The following LDB2 variants were observed in gnomAD, a reference collection of about 807,000 sequenced individuals.
The protein encoded by LDB2 is LIM domain-binding protein 2.
LDB2 carries 12 observed loss-of-function variants against 44.3 expected under a neutral mutation model. The observed-to-expected ratio is 0.27, with a 90% CI of 0.17 to 0.44. The LOEUF (loss-of-function observed/expected upper bound fraction) is 0.44, where lower values mean the gene tolerates loss of function less well. Among genes scored for constraint, LDB2 ranks in the 20% least tolerant of loss-of-function variants. The pLI is 1.00. For missense variants in LDB2, 344 were observed against 473.5 expected, an observed-to-expected ratio of 0.73 and a Z score of 2.54; for synonymous variants, 164 against 174.8, an observed-to-expected ratio of 0.94 and a Z score of 0.49.
chr4:16,602,530 G>A (rs1205960576), intron 2 of LDB2, among the ~76,000 whole-genome samples: 1 of 152,100 alleles, frequency 6.6e-6, no homozygotes, highest in African/African-American at 2.4e-5. Context: ...TCTAAACCAC[G>A]GCAAATGGCT....
intron 1 of LDB2, among the ~76,000 whole-genome samples, chr4:16,851,097 G>C (rs1312078608): frequency 6.6e-6 from 1 of 151,902 alleles, no homozygotes; most frequent in Non-Finnish European, 1.5e-5. Context: ...TGGGGTGCTA[G>C]TGAATAGTAA....
At position 16,739,590 on chromosome 4, in the gene LDB2, AT is replaced by A. The variant is rs1388131677; in HGVS notation, c.235+19567del. ...GACAGAGGGAAAAAAAAAAAAAAAA[AT>A]ATATATATATATATATATGTATATA... On this transcript the variant is annotated intron_variant, in intron 2 of 7. Transcript: ENST00000304523. Among the ~76,000 whole-genome samples the A allele has an allele frequency of 8.5e-4, 49 of 57,782 alleles. 3 individuals carry two copies. The highest frequency in any genetic ancestry group is 2.9e-3 in the African/African-American group (36 of 12,232). 37.9% of individuals were successfully genotyped at this position (57,782 alleles called of 152,430 possible). A position where few individuals can be genotyped will look rare whatever the true frequency, so the allele number is the denominator to read the frequency against.
chr4:16,657,855 C>T (rs928302854), intron 2 of LDB2, among the ~76,000 whole-genome samples: 13 of 152,310 alleles, frequency 8.5e-5, no homozygotes, highest in African/African-American at 2.9e-4. Context: ...TCAGTGAACA[C>T]GCTTTACTTA....
intron 1 of LDB2, among the ~76,000 whole-genome samples, chr4:16,881,282 G>A (rs1720016341): frequency 6.6e-6 from 1 of 152,194 alleles, no homozygotes; most frequent in African/African-American, 2.4e-5. Context: ...GAAGCCCTGG[G>A]CTAATTACTA....
At chr4:16,897,949 T>C (rs1214906659) in intron 1 of LDB2, among the ~76,000 whole-genome samples, 35 of 32,454 alleles carry the variant, frequency 1.1e-3, no homozygotes, top group African/African-American at 4.9e-3. Context: ...CACATATGTA[T>C]ATATATATAT....
At chr4:16,680,137 C>G (rs942172295) in intron 2 of LDB2, among the ~76,000 whole-genome samples, 1 of 152,112 alleles carries the variant, frequency 6.6e-6, no homozygotes, top group African/African-American at 2.4e-5. Flanking sequence ...GAGAGATGAT[C>G]TCTCTCTGTC....
intron 2 of LDB2, among the ~76,000 whole-genome samples, chr4:16,601,153 A>G (rs1253072910): frequency 6.6e-6 from 1 of 152,176 alleles, no homozygotes; most frequent in Non-Finnish European, 1.5e-5. Flanking sequence ...ACAGATATAC[A>G]CAAATACTTT....
intron 1 of LDB2, among the ~76,000 whole-genome samples, chr4:16,785,544 C>A (rs899959127): frequency 2.6e-5 from 4 of 152,158 alleles, no homozygotes; most frequent in Admixed American, 6.5e-5. Context: ...GCTGCAATGG[C>A]CGGGCAGCAG....
At position 16,768,835 on chromosome 4, in the gene LDB2, CTATAA is replaced by C. The variant is rs1017864931; in HGVS notation, c.133-9580_133-9576del. Reference sequence around the variant, plus strand: ...AACCCCTTAAAACCTCACCATGACCCTATAATATAAGTAGCATTATTAACCCCATC... The same window carrying C: ...AACCCCTTAAAACCTCACCATGACCCTATAAGTAGCATTATTAACCCCATC... On this transcript the variant is annotated intron_variant, in intron 1 of 7. Coordinates refer to ENST00000304523, the MANE Select transcript of LDB2 (RefSeq NM_001290.5). 7.0e-4 allele frequency among the ~76,000 whole-genome samples: 107 copies of C among 152,246 alleles called. 1 individual carries two copies. The highest frequency in any genetic ancestry group is 2.0e-3 in the African/African-American group (82 of 41,546).
rs143623757 is a variant in LDB2, at chr4:16,824,221, ATGTG to A, written c.133-64965_133-64962del. On this transcript the variant is annotated intron_variant, in intron 1 of 7. Transcript: ENST00000304523. ...ATTAGGGGAGAGATTGTGTGTGTGT[ATGTG>A]TGTGTGTGTGTGTATGCACACAAAT... Among the ~76,000 whole-genome samples the A allele has an allele frequency of 1.9e-3, 294 of 151,514 alleles. 10 individuals carry two copies. The East Asian group carries it at 0.051, about 26-fold the overall frequency.
chr4:16,558,555 C>A (rs1466126253), intron 5 of LDB2, among the ~76,000 whole-genome samples: 1 of 152,146 alleles, frequency 6.6e-6, no homozygotes, highest in Non-Finnish European at 1.5e-5. Context: ...AAATATGGCA[C>A]TATGTGAAAA....
At chr4:16,870,240 G>A (rs981363061) in intron 1 of LDB2, among the ~76,000 whole-genome samples, 14 of 152,186 alleles carry the variant, frequency 9.2e-5, no homozygotes, top group Non-Finnish European at 1.3e-4. Context: ...CCACATGGAC[G>A]AATTCAGTAG....
At chr4:16,676,189 T>C (rs553902653) in intron 2 of LDB2, among the ~76,000 whole-genome samples, 118 of 152,344 alleles carry the variant, frequency 7.7e-4, no homozygotes, top group African/African-American at 1.9e-3. Context: ...ACTTCACATA[T>C]AGCTGAATCT....
chr4:16,526,809 C>T (rs949249552), intron 5 of LDB2, among the ~76,000 whole-genome samples: 1 of 152,204 alleles, frequency 6.6e-6, no homozygotes, highest in African/African-American at 2.4e-5. Context: ...AACACCTTGA[C>T]TTCAGTGCAA....
At chr4:16,773,718 A>G (rs1402246145) in intron 1 of LDB2, among the ~76,000 whole-genome samples, 1 of 151,974 alleles carries the variant, frequency 6.6e-6, no homozygotes, top group Non-Finnish European at 1.5e-5. Context: ...TACAGTTGCA[A>G]TATTTCTTTT....
chr4:16,871,193 A>C lies in LDB2; in HGVS notation c.132+27161T>G, dbSNP rs548192835. ...ATTATTGGTGCCCTTGGGGTTATTT[A>C]TGTCTGTTGCATGATGGAAATACTG... On this transcript the variant is annotated intron_variant, in intron 1 of 7. Transcript: ENST00000304523. 2.7e-4 allele frequency among the ~76,000 whole-genome samples: 41 copies of C among 152,300 alleles called. 1 individual carries two copies. Among genetic ancestry groups the C allele is most frequent in the Middle Eastern group, 3.4e-3 (1 of 294 alleles).
chr4:16,820,385 C>T (rs1781724344), intron 1 of LDB2, among the ~76,000 whole-genome samples: 1 of 152,092 alleles, frequency 6.6e-6, no homozygotes, highest in Non-Finnish European at 1.5e-5. Context: ...GAGTTTACAG[C>T]TTAGCTGAGG....
chr4:16,703,212 G>C (rs895378450), intron 2 of LDB2, among the ~76,000 whole-genome samples: 1 of 152,204 alleles, frequency 6.6e-6, no homozygotes, highest in Non-Finnish European at 1.5e-5. Context: ...AAAAGTAAGG[G>C]GAGGCAGCTA....
intron 1 of LDB2, among the ~76,000 whole-genome samples, chr4:16,812,716 T>C (rs1780138329): frequency 6.7e-6 from 1 of 148,458 alleles, no homozygotes; most frequent in African/African-American, 2.5e-5. Flanking sequence ...GTCTTTGGCT[T>C]TAGAAAATAA....
Sources: gnomAD v4.1 joint callset for allele counts (sites outside exome capture counted in the v4.1 genomes callset) on GRCh38, gnomAD v4.1.1 for gene constraint, MANE v1.5 for transcripts, NCBI Gene and HGNC (gene_info 2026-07-23, HGNC 2026-07-21) for gene names.